HIRA: variants seen among roughly 807,000 people sequenced by gnomAD.
The protein encoded by HIRA is protein HIRA.
Under a neutral mutation model 126.6 loss-of-function variants are expected in HIRA, and 13 were observed. That is an observed-to-expected ratio of 0.10 (90% CI 0.07 to 0.16). The LOEUF is 0.16. Ranked by LOEUF, HIRA falls within the 10% of genes least tolerant of loss-of-function variation. The pLI is 1.00. For synonymous variants in HIRA, 511 were observed against 520.0 expected (o/e 0.98, Z 0.24); for missense variants, 834 against 1,314.4 (o/e 0.63, Z 5.65).
chr22:19,365,397 G>C (rs897658211), intron 15 of HIRA, among the ~76,000 whole-genome samples: 2 of 152,160 alleles, frequency 1.3e-5, no homozygotes, highest in Admixed American at 6.5e-5. Context: ...AAGACAGGCT[G>C]GTTATCTTAT....
Position 19,391,544 on chromosome 22 carries a change from C to T in HIRA, c.936+557G>A, listed in dbSNP as rs189025898. ...TTGCCCAGGCTGGAGTGCAGTGGCG[C>T]GGTCTCAGCTCACTGCAAGCTCTGC... On this transcript the variant is annotated intron_variant, in intron 9 of 24. Coordinates refer to ENST00000263208, the MANE Select transcript of HIRA (RefSeq NM_003325.4). Among the ~76,000 whole-genome samples the T allele has an allele frequency of 1.5e-3, 218 of 149,594 alleles. 4 individuals carry two copies. The East Asian group carries it at 0.04, about 27-fold the overall frequency.
At chr22:19,403,830 A>G (rs2089288349) in intron 5 of HIRA, among the ~76,000 whole-genome samples, 1 of 152,178 alleles carries the variant, frequency 6.6e-6, no homozygotes, top group Non-Finnish European at 1.5e-5. Context: ...TAAAAGCTCA[A>G]AACAATGCAC....
intron 5 of HIRA, among the ~76,000 whole-genome samples, chr22:19,403,652 T>C (rs2089287050): frequency 6.6e-6 from 1 of 152,140 alleles, no homozygotes; most frequent in Admixed American, 6.6e-5. Context: ...TTTCAAGTGT[T>C]ATTATATTTA....
At chr22:19,378,129 C>T in intron 13 of HIRA, 63 bp from the exon 14 acceptor site, 8 of 1,273,696 alleles carry the variant, frequency 6.3e-6, no homozygotes, top group Non-Finnish European at 8.4e-6. Flanking sequence ...GTACTTTATA[C>T]ATTCAAATAA....
chr22:19,337,582 CG>C (rs2088580636), intron 24 of HIRA, among the ~76,000 whole-genome samples: 1 of 152,014 alleles, frequency 6.6e-6, no homozygotes, highest in South Asian at 2.1e-4. Context: ...GTCTGAAAAA[CG>C]TATTTGTGGG....
At chr22:19,374,542 T>C (rs544233724) in intron 15 of HIRA, among the ~76,000 whole-genome samples, 3 of 152,274 alleles carry the variant, frequency 2.0e-5, no homozygotes, top group South Asian at 2.1e-4. Context: ...AGCATCAAAC[T>C]TGCAGAAAGG....
chr22:19,345,519 C>T (rs1475826958), intron 24 of HIRA, among the ~76,000 whole-genome samples: 2 of 152,202 alleles, frequency 1.3e-5, no homozygotes, highest in African/African-American at 4.8e-5. Flanking sequence ...ACCTTTTCGG[C>T]ACCCAGGACT....
intron 19 of HIRA, among the ~76,000 whole-genome samples, 184 bp downstream of exon 19, chr22:19,356,706 C>CCCCTCAG (rs549770715): frequency 6.6e-6 from 1 of 152,228 alleles, no homozygotes; most frequent in Non-Finnish European, 1.5e-5. Context: ...TTGCACACTA[C>CCCCTCAG]CCCTCAGCCC....
chr22:19,426,027 A>C (rs1160454163), intron 1 of HIRA, among the ~76,000 whole-genome samples: 1 of 152,166 alleles, frequency 6.6e-6, no homozygotes, highest in Non-Finnish European at 1.5e-5. Flanking sequence ...AAATAAATAA[A>C]GAAAATATAT....
intron 1 of HIRA, among the ~76,000 whole-genome samples, chr22:19,412,740 C>T (rs905548920): frequency 1.3e-5 from 2 of 152,194 alleles, no homozygotes; most frequent in African/African-American, 4.8e-5. Flanking sequence ...GAGGGCTCAG[C>T]TGCACAAGTA....
chr22:19,372,277 C>T (rs964803289), intron 15 of HIRA, among the ~76,000 whole-genome samples: 2 of 152,178 alleles, frequency 1.3e-5, no homozygotes, highest in African/African-American at 4.8e-5. Flanking sequence ...TAATTACAGA[C>T]CTCCAAATGG....
intron 14 of HIRA, among the ~76,000 whole-genome samples, 183 bp downstream of exon 14, chr22:19,377,686 T>C (rs775506236): frequency 4.6e-5 from 7 of 152,186 alleles, no homozygotes; most frequent in Non-Finnish European, 7.3e-5. Flanking sequence ...GTCCTGTGCA[T>C]CAGAGACTCA....
chr22:19,412,874 T>C (rs1389535744), intron 1 of HIRA, among the ~76,000 whole-genome samples: 1 of 152,164 alleles, frequency 6.6e-6, no homozygotes, highest in African/African-American at 2.4e-5. Flanking sequence ...AATGAGAAAG[T>C]AAAGATACAT....
chr22:19,360,748 G>C (rs137865953), intron 17 of HIRA, among the ~76,000 whole-genome samples: 4,130 of 152,338 alleles, frequency 0.027, 86 homozygotes, highest in Non-Finnish European at 0.037. Context: ...CTCCAGAATT[G>C]TGTTTTGGAT....
intron 23 of HIRA, among the ~76,000 whole-genome samples, chr22:19,352,640 G>A (rs2088770459): frequency 6.6e-6 from 1 of 152,172 alleles, no homozygotes; most frequent in South Asian, 2.1e-4. Flanking sequence ...GTGAAGGTCT[G>A]ATTATGATTT....
At position 19,385,539 on chromosome 22, in the gene HIRA, A is replaced by G. The variant is rs2089118934; in HGVS notation, c.1311T>C (p.Ser437=). ...TSVAGVVNGE[S]LEDIRKNLLK... ...CTCTCACCTTCCTGATATCTTCAAGACTCTCCCCGTTGACAACGCCTGCGA... is the reference window on the plus strand; with the variant it reads ...CTCTCACCTTCCTGATATCTTCAAGGCTCTCCCCGTTGACAACGCCTGCGA... The change falls in exon 12 of 25, where the codon AGT becomes AGC. Residue 437 remains serine (S), a synonymous_variant. Coordinates refer to ENST00000263208, the MANE Select transcript of HIRA (RefSeq NM_003325.4). The G allele has an allele frequency of 1.2e-6, 2 of 1,612,586 alleles. No homozygotes were observed. Among genetic ancestry groups the G allele is most frequent in the Non-Finnish European group, 1.7e-6 (2 of 1,179,680 alleles).
At chr22:19,413,441 C>T (rs947409134) in intron 1 of HIRA, among the ~76,000 whole-genome samples, 25 of 151,772 alleles carry the variant, frequency 1.6e-4, no homozygotes, top group African/African-American at 5.6e-4. Context: ...TCATTGGCAC[C>T]AGGTTTCCTT....
chr22:19,417,409 G>C (rs917280834), intron 1 of HIRA, among the ~76,000 whole-genome samples: 1 of 151,800 alleles, frequency 6.6e-6, no homozygotes, highest in African/African-American at 2.4e-5. Context: ...GGATCAAGAG[G>C]TCAAGAGATC....
intron 1 of HIRA, among the ~76,000 whole-genome samples, chr22:19,428,841 G>A (rs2089508316): frequency 6.6e-6 from 1 of 152,072 alleles, no homozygotes; most frequent in Non-Finnish European, 1.5e-5. Context: ...ATAGAACAAG[G>A]AAGCCAGAAA....
Sources: allele counts gnomAD v4.1 joint callset (sites outside exome capture counted in the v4.1 genomes callset), GRCh38; gene constraint gnomAD v4.1.1; transcripts MANE v1.5; gene names NCBI Gene and HGNC (gene_info 2026-07-23, HGNC 2026-07-21).